Variants in ADORA2B observed in about 807,000 individuals in gnomAD.
ADORA2B encodes the protein adenosine A2b receptor.
In ADORA2B, 18 loss-of-function variants were observed where a neutral mutation model predicts 20.8. That is an observed-to-expected ratio of 0.87 (90% CI 0.60 to 1.29). The LOEUF (loss-of-function observed/expected upper bound fraction) is 1.29, where lower values mean the gene tolerates loss of function less well. Among genes scored for constraint, ADORA2B ranks in the 50% most tolerant of loss-of-function variants. The probability of loss-of-function intolerance (pLI) is 0.00; values close to 1 mark genes in which losing one functional copy is unlikely to be tolerated. For missense variants in ADORA2B, 441 were observed against 422.7 expected, an observed-to-expected ratio of 1.04 and a Z score of -0.38; for synonymous variants, 179 against 178.3, an observed-to-expected ratio of 1.00 and a Z score of -0.03.
At chr17:15,945,892 C>G (rs2041457) in intron 1 of ADORA2B, among the ~76,000 whole-genome samples, 131,963 of 152,166 alleles carry the variant, frequency 0.87, 59,782 homozygotes, top group Non-Finnish European at 0.99. Flanking sequence ...GCGTCACCCC[C>G]GGGGAAAGCG....
chr17:15,941,205 G>C (rs1969741780), upstream of ADORA2B, among the ~76,000 whole-genome samples: 1 of 152,200 alleles, frequency 6.6e-6, no homozygotes, highest in Non-Finnish European at 1.5e-5. Context: ...CATCACTGCA[G>C]TTGTTTTCCA....
intron 1 of ADORA2B, among the ~76,000 whole-genome samples, chr17:15,969,565 T>C (rs1339464636): frequency 6.6e-6 from 1 of 152,202 alleles, no homozygotes; most frequent in Admixed American, 6.5e-5. Flanking sequence ...TTTATCCCAC[T>C]CTTCCTTTAA....
the ADORA2B span, among the ~76,000 whole-genome samples, chr17:15,918,072 C>T: frequency 6.6e-6 from 1 of 152,180 alleles, no homozygotes; most frequent in African/African-American, 2.4e-5. Flanking sequence ...TGGGAGTCTG[C>T]GCTCGGGGTG....
the ADORA2B span, among the ~76,000 whole-genome samples, chr17:15,874,536 AT>A: frequency 3.4e-4 from 51 of 150,714 alleles, no homozygotes; most frequent in Non-Finnish European, 2.7e-4. Context: ...AAAAAAAAAA[AT>A]AAATAATAAG....
the ADORA2B span, among the ~76,000 whole-genome samples, chr17:15,924,911 A>C: frequency 1.5e-4 from 23 of 150,760 alleles, no homozygotes; most frequent in East Asian, 4.5e-3. Context: ...TCTGTCACCC[A>C]GGCTGAAGTG....
chr17:15,890,746 A>G, the ADORA2B span, among the ~76,000 whole-genome samples: 2 of 152,250 alleles, frequency 1.3e-5, no homozygotes, highest in African/African-American at 4.8e-5. Context: ...CTCTGAGCAG[A>G]GCACAGCAGC....
At chr17:15,956,698 C>A (rs998500643) in intron 1 of ADORA2B, among the ~76,000 whole-genome samples, 3 of 147,180 alleles carry the variant, frequency 2.0e-5, no homozygotes, top group South Asian at 4.3e-4. Context: ...TGGGTTCAAG[C>A]GATTCTCTTG....
At chr17:15,973,341 T>C (rs2779212) in intron 1 of ADORA2B, among the ~76,000 whole-genome samples, 91,242 of 152,132 alleles carry the variant, frequency 0.6, 27,941 homozygotes, top group African/African-American at 0.7. Context: ...TCATACCACA[T>C]ATATCTCCAT....
chr17:15,954,398 C>T (rs1272122811), intron 1 of ADORA2B, among the ~76,000 whole-genome samples: 1 of 152,192 alleles, frequency 6.6e-6, no homozygotes, highest in Non-Finnish European at 1.5e-5. Flanking sequence ...GCATGCCTTC[C>T]CACATCCTCG....
the ADORA2B span, among the ~76,000 whole-genome samples, chr17:15,931,930 C>T: frequency 6.6e-6 from 1 of 151,862 alleles, no homozygotes; most frequent in East Asian, 1.9e-4. Flanking sequence ...TGGGGTTTAA[C>T]CATGTTGGTC....
the ADORA2B span, among the ~76,000 whole-genome samples, chr17:15,901,940 C>A: frequency 6.6e-6 from 1 of 152,100 alleles, no homozygotes; most frequent in African/African-American, 2.4e-5. Flanking sequence ...TGAGTCCATT[C>A]ATGTTGTGGG....
chr17:15,854,112 C>G, the ADORA2B span, among the ~76,000 whole-genome samples: 1 of 152,270 alleles, frequency 6.6e-6, no homozygotes, highest in East Asian at 1.9e-4. Flanking sequence ...TGCACCACCA[C>G]GCCTGGCTAA....
the ADORA2B span, among the ~76,000 whole-genome samples, chr17:15,918,434 C>A: frequency 6.6e-6 from 1 of 152,118 alleles, no homozygotes; most frequent in Non-Finnish European, 1.5e-5. Flanking sequence ...ACACAGGATG[C>A]CCAATTAAAT....
At chr17:15,939,119 C>T in the ADORA2B span, among the ~76,000 whole-genome samples, 1 of 152,156 alleles carries the variant, frequency 6.6e-6, no homozygotes, top group Non-Finnish European at 1.5e-5. Flanking sequence ...TGGTTCACTG[C>T]AACCTCCAGC....
rs1240320040 is a variant in ADORA2B at position 15,974,835 on chromosome 17, A to C, written c.492A>C (p.Glu164Asp). Residue 164 changes from glutamate (E) to aspartate (D), a missense_variant, in exon 2 of 2, where the codon GAA (glutamate) becomes GAC (aspartate). Physicochemically the swap from Glu to Asp is conservative, Grantham distance 45. Coordinates refer to ENST00000304222, the MANE Select transcript of ADORA2B (RefSeq NM_000676.4). ...CTEPWDGTTN[E>D]SCCLVKCLFE... is the part of the protein sequence containing the mutation. ...AACCCTGGGATGGAACCACGAATGA[A>C]AGCTGCTGCCTTGTGAAGTGTCTCT... is the stretch of plus-strand genomic sequence containing the variant. The C allele has an allele frequency of 4.3e-6, 7 of 1,614,108 alleles. No individual in the cohort carries two copies. In the South Asian group the frequency reaches 7.7e-5, roughly 18 times the overall value.
the ADORA2B span, among the ~76,000 whole-genome samples, chr17:15,892,306 T>G: frequency 6.6e-6 from 1 of 152,102 alleles, no homozygotes; most frequent in Non-Finnish European, 1.5e-5. Context: ...GTAGCTGGAT[T>G]ACAGACAGGC....
At chr17:15,860,468 G>GTCTC in the ADORA2B span, among the ~76,000 whole-genome samples, 1 of 141,740 alleles carries the variant, frequency 7.1e-6, no homozygotes, top group East Asian at 2.0e-4. Flanking sequence ...CTGCCACTCT[G>GTCTC]TCTCTCTCTC....
chr17:15,883,301 A>G, the ADORA2B span, among the ~76,000 whole-genome samples: 1 of 152,248 alleles, frequency 6.6e-6, no homozygotes, highest in South Asian at 2.1e-4. Flanking sequence ...CTTACTAAAA[A>G]TATTCTCTTT....
the ADORA2B span, among the ~76,000 whole-genome samples, chr17:15,909,588 T>G: frequency 6.6e-6 from 1 of 152,110 alleles, no homozygotes; most frequent in African/African-American, 2.4e-5. Flanking sequence ...TGACCTCCGG[T>G]TCTTTAACAC....
Sources: allele counts gnomAD v4.1 joint callset (sites outside exome capture counted in the v4.1 genomes callset), GRCh38; gene constraint gnomAD v4.1.1; transcripts MANE v1.5; gene names NCBI Gene and HGNC (gene_info 2026-07-23, HGNC 2026-07-21).